SERPINB7: variants seen among roughly 807,000 people sequenced by gnomAD.
SERPINB7 encodes the protein serpin B7.
A neutral mutation model predicts 37.4 loss-of-function variants in SERPINB7; 31 were observed. That is an observed-to-expected ratio of 0.83 (90% CI 0.62 to 1.12). The LOEUF (loss-of-function observed/expected upper bound fraction) is 1.12, where lower values mean the gene tolerates loss of function less well. Among genes scored for constraint, SERPINB7 ranks in the 50% most tolerant of loss-of-function variants. The pLI, the probability that SERPINB7 is intolerant of heterozygous loss-of-function variation, is 0.00. For missense variants in SERPINB7, 521 were observed against 455.3 expected, an observed-to-expected ratio of 1.14 and a Z score of -1.31; for synonymous variants, 163 against 166.1, an observed-to-expected ratio of 0.98 and a Z score of 0.14.
chr18:63,763,344 G>C (rs1015851512), intron 1 of SERPINB7, among the ~76,000 whole-genome samples: 7 of 152,126 alleles, frequency 4.6e-5, no homozygotes, highest in African/African-American at 1.7e-4. Flanking sequence ...TTAGTTACTA[G>C]AATAAACTGT....
At chr18:63,802,714 A>G (rs1401762582) in intron 7 of SERPINB7, among the ~76,000 whole-genome samples, 2 of 152,228 alleles carry the variant, frequency 1.3e-5, no homozygotes, top group East Asian at 3.8e-4. Flanking sequence ...ATAACAGGAC[A>G]GGGGAATGAA....
upstream of SERPINB7, among the ~76,000 whole-genome samples, chr18:63,774,443 C>T (rs1330721916): frequency 1.3e-5 from 2 of 152,064 alleles, no homozygotes; most frequent in Admixed American, 6.6e-5. Flanking sequence ...CAGTCATTTC[C>T]ATGCATAGCA....
chr18:63,803,841 C>A (rs567104464), intron 7 of SERPINB7, among the ~76,000 whole-genome samples: 67 of 152,282 alleles, frequency 4.4e-4, no homozygotes, highest in African/African-American at 9.9e-4. Context: ...TTTTATCTGT[C>A]TTTCATGATG....
intron 5 of SERPINB7, among the ~76,000 whole-genome samples, chr18:63,798,277 C>A (rs771296288): frequency 6.6e-6 from 1 of 152,072 alleles, no homozygotes; most frequent in Admixed American, 6.5e-5. Context: ...GAGCAGGGAC[C>A]CTGGGGTTGT....
chr18:63,754,880 C>CTTT (rs71162676), intron 1 of SERPINB7, among the ~76,000 whole-genome samples: 1,402 of 58,000 alleles, frequency 0.024, 359 homozygotes, highest in Non-Finnish European at 0.03. Flanking sequence ...AAACTGAGGT[C>CTTT]TTTTTTTTTT....
At chr18:63,798,126 C>A (rs1376029213) in intron 5 of SERPINB7, among the ~76,000 whole-genome samples, 1 of 152,078 alleles carries the variant, frequency 6.6e-6, no homozygotes, top group Non-Finnish European at 1.5e-5. Flanking sequence ...ATTTGTAATT[C>A]AAATATGCAG....
chr18:63,793,291 C>CA lies in SERPINB7; in HGVS notation c.336+14_336+15insA. On this transcript the variant is annotated intron_variant, in intron 4 of 7. Transcript: ENST00000398019. ...GGCTTTCATAAGGTAAGTGAAACTG[C>CA]CTTTGTTAGAAGGACCTGAATCTTG... The CA allele has an allele frequency of 7.2e-7, 1 of 1,382,044 alleles. No homozygotes were observed. The highest frequency in any genetic ancestry group is 1.0e-6 in the Non-Finnish European group (1 of 980,152). The allele number at this position is 1,382,044 out of a possible 1,614,324, so 85.6% of individuals were successfully genotyped here. A position where few individuals can be genotyped will look rare whatever the true frequency, so the allele number is the denominator to read the frequency against.
chr18:63,789,927 T>C (rs1470908377), intron 2 of SERPINB7, among the ~76,000 whole-genome samples: 1 of 152,212 alleles, frequency 6.6e-6, no homozygotes, highest in Non-Finnish European at 1.5e-5. Context: ...AATGCTGATG[T>C]TCCCAGGCTG....
chr18:63,792,478 G>T (rs780263298), intron 3 of SERPINB7, 35 bp downstream of exon 3: 2 of 1,420,404 alleles, frequency 1.4e-6, no homozygotes, highest in South Asian at 1.2e-5. Flanking sequence ...AAAAGAGAAG[G>T]TGAGCCAGGT....
intron 2 of SERPINB7, among the ~76,000 whole-genome samples, chr18:63,785,861 A>C (rs2049359238): frequency 6.8e-6 from 1 of 147,230 alleles, no homozygotes; most frequent in African/African-American, 2.5e-5. Flanking sequence ...TTCTCTCACA[A>C]GACATTTCCA....
chr18:63,792,285 A>G, intron 2 of SERPINB7, 108 bp from the exon 3 acceptor site: 3 of 759,430 alleles, frequency 4.0e-6, no homozygotes, highest in Non-Finnish European at 6.6e-6. Flanking sequence ...TTGGAATGGC[A>G]ATTAGACACA....
intron 2 of SERPINB7, among the ~76,000 whole-genome samples, chr18:63,783,925 C>T (rs1227613581): frequency 6.6e-6 from 1 of 151,950 alleles, no homozygotes; most frequent in Non-Finnish European, 1.5e-5. Flanking sequence ...ATCTGAATAG[C>T]TCAGTAAATA....
At chr18:63,792,194 G>A (rs1426189681) in intron 2 of SERPINB7, among the ~76,000 whole-genome samples, 199 bp from the exon 3 acceptor site, 1 of 152,158 alleles carries the variant, frequency 6.6e-6, no homozygotes, top group Non-Finnish European at 1.5e-5. Flanking sequence ...GAAAGAAAAT[G>A]CAATAAAAAT....
At chr18:63,759,076 AG>A (rs1236060908) in intron 1 of SERPINB7, among the ~76,000 whole-genome samples, 3 of 152,206 alleles carry the variant, frequency 2.0e-5, no homozygotes, top group African/African-American at 7.2e-5. Flanking sequence ...TACACACAAA[AG>A]AATATTTGCT....
chr18:63,759,691 G>A (rs564874261), intron 1 of SERPINB7, among the ~76,000 whole-genome samples: 1 of 152,260 alleles, frequency 6.6e-6, no homozygotes, highest in South Asian at 2.1e-4. Flanking sequence ...GTTGTGGAAG[G>A]ACCCAGAGGG....
At chr18:63,760,678 C>T (rs1440388979) in intron 1 of SERPINB7, among the ~76,000 whole-genome samples, 1 of 152,166 alleles carries the variant, frequency 6.6e-6, no homozygotes, top group East Asian at 1.9e-4. Flanking sequence ...TCTTGGTGCC[C>T]TCTGTCCCAG....
chr18:63,804,578 A>G lies in SERPINB7; in HGVS notation c.1086A>G (p.Leu362=), dbSNP rs749072350. The change falls in exon 8 of 8, where the codon CTA becomes CTG. Residue 362 remains leucine, a synonymous_variant. Transcript: ENST00000398019. ...STLFRADHPF[L]FVIRKDDIIL... ...TGTTTAGAGCTGACCACCCATTCCT[A>G]TTTGTTATCAGGAAGGATGACATCA... 1.9e-6 allele frequency: 3 copies of G among 1,612,956 alleles called. No homozygotes were observed. The highest frequency in any genetic ancestry group is 2.2e-5 in the East Asian group (1 of 44,888).
chr18:63,777,925 C>G (rs3053905), intron 1 of SERPINB7: 11 of 126,352 alleles, frequency 8.7e-5, no homozygotes, highest in African/African-American at 2.1e-4. Flanking sequence ...CACACACACA[C>G]AGACACAGAG....
chr18:63,787,998 C>A (rs76903772), intron 2 of SERPINB7, among the ~76,000 whole-genome samples: 1 of 152,176 alleles, frequency 6.6e-6, no homozygotes, highest in Non-Finnish European at 1.5e-5. Context: ...TACTGGACTG[C>A]CAGTTGTAGA....
Sources: gnomAD v4.1 joint callset for allele counts (sites outside exome capture counted in the v4.1 genomes callset) on GRCh38, gnomAD v4.1.1 for gene constraint, MANE v1.5 for transcripts, NCBI Gene and HGNC (gene_info 2026-07-23, HGNC 2026-07-21) for gene names.